HSD17B6: variants seen among roughly 807,000 people sequenced by gnomAD.
The protein encoded by HSD17B6 is 17-beta-hydroxysteroid dehydrogenase type 6.
A neutral mutation model predicts 26.4 loss-of-function variants in HSD17B6; 16 were observed. The observed-to-expected ratio is 0.61, with a 90% CI of 0.41 to 0.92. HSD17B6 has a LOEUF of 0.92. HSD17B6 is among the 40% of genes least tolerant of loss of function. HSD17B6 has a pLI of 0.00. For missense variants in HSD17B6, 357 were observed against 386.1 expected (o/e 0.92, Z 0.63); for synonymous variants, 139 against 153.0 (o/e 0.91, Z 0.68).
At chr12:56,778,959 G>C (rs983294743) in intron 2 of HSD17B6, among the ~76,000 whole-genome samples, 45 of 152,090 alleles carry the variant, frequency 3.0e-4, no homozygotes, top group Non-Finnish European at 1.8e-4. Flanking sequence ...ACACGCGTGA[G>C]CCACCGCGCC....
At chr12:56,778,841 A>AT (rs1172829800) in intron 2 of HSD17B6, among the ~76,000 whole-genome samples, 3 of 150,620 alleles carry the variant, frequency 2.0e-5, no homozygotes, top group East Asian at 2.0e-4. Context: ...GGCCCGGCTA[A>AT]TTTTTTTGTA....
intron 1 of HSD17B6, among the ~76,000 whole-genome samples, chr12:56,768,887 C>T (rs1460393365): frequency 6.6e-6 from 1 of 151,998 alleles, no homozygotes; most frequent in Non-Finnish European, 1.5e-5. Context: ...ATGGTAAAGG[C>T]TTTGGGGTGC....
chr12:56,782,660 ATT>A (rs62818963), intron 3 of HSD17B6, among the ~76,000 whole-genome samples: 114 of 133,056 alleles, frequency 8.6e-4, no homozygotes, highest in South Asian at 3.4e-3. Flanking sequence ...TGCCCAGCTA[ATT>A]TTTTTTTTTT....
At chr12:56,764,590 A>G (rs1391552702) in intron 1 of HSD17B6, among the ~76,000 whole-genome samples, 1 of 152,250 alleles carries the variant, frequency 6.6e-6, no homozygotes, top group South Asian at 2.1e-4. Context: ...TATGGCAATA[A>G]TAAGACAACA....
chr12:56,786,062 GTGA>G (rs1196624206), intron 4 of HSD17B6: 8 of 494,370 alleles, frequency 1.6e-5, no homozygotes, highest in Middle Eastern at 9.6e-4. Flanking sequence ...AATGTAGATT[GTGA>G]TGATGATTGC....
intron 3 of HSD17B6, among the ~76,000 whole-genome samples, chr12:56,783,230 G>A (rs1278201447): frequency 2.0e-5 from 3 of 150,894 alleles, no homozygotes; most frequent in South Asian, 2.1e-4. Context: ...GGGCAGAGGC[G>A]CCCCTCACCT....
chr12:56,783,882 G>A (rs1319901294), intron 3 of HSD17B6, among the ~76,000 whole-genome samples: 3 of 152,010 alleles, frequency 2.0e-5, no homozygotes, highest in African/African-American at 7.2e-5. Flanking sequence ...TTCCCAGACG[G>A]GGTGGCAGCC....
chr12:56,769,249 C>T (rs149238106), intron 1 of HSD17B6, among the ~76,000 whole-genome samples: 149 of 152,088 alleles, frequency 9.8e-4, no homozygotes, highest in Middle Eastern at 3.4e-3. Flanking sequence ...ACTACAGGCA[C>T]TGCCACCACA....
At chr12:56,784,777 T>C in intron 3 of HSD17B6, 76 bp from the exon 4 acceptor site, 2 of 1,410,934 alleles carry the variant, frequency 1.4e-6, no homozygotes, top group Non-Finnish European at 1.9e-6. Context: ...TATAATCTTT[T>C]TTGTTTTGCT....
At chr12:56,774,223 C>T in intron 2 of HSD17B6, 58 bp downstream of exon 2, 2 of 1,457,224 alleles carry the variant, frequency 1.4e-6, no homozygotes, top group South Asian at 1.4e-5. Context: ...GTTATATATA[C>T]AGTTGTTCCT....
Position 56,774,160 on chromosome 12 carries a change from A to AG in HSD17B6, c.308_309insG (p.Asp103GlufsTer21), listed in dbSNP as rs758299923. ...CAGTGGGTGAAGGAGCATGTGGGGG[A>AG]CAGAGGTATGAAATATTTTCTCCTT... is the stretch of plus-strand genomic sequence containing the variant. On this transcript the variant is annotated frameshift_variant, in exon 2 of 5. Transcript: ENST00000322165. LOFTEE classifies it high-confidence loss of function. 7 of 1,547,568 alleles carry AG rather than the reference A, an allele frequency of 4.5e-6. No homozygotes were observed. In the Admixed American group the frequency reaches 1.4e-4, roughly 31 times the overall value.
At chr12:56,774,336 T>C (rs562257386) in intron 2 of HSD17B6, among the ~76,000 whole-genome samples, 171 bp downstream of exon 2, 56 of 152,298 alleles carry the variant, frequency 3.7e-4, no homozygotes, top group African/African-American at 1.2e-3. Context: ...TTATAACCTA[T>C]GCACATCCTT....
chr12:56,779,285 C>T (rs1954661375), intron 2 of HSD17B6, among the ~76,000 whole-genome samples: 2 of 152,048 alleles, frequency 1.3e-5, no homozygotes, highest in South Asian at 4.1e-4. Context: ...CAGGTGTGCA[C>T]CACCACACTT....
chr12:56,765,945 A>G (rs148622820), intron 1 of HSD17B6, among the ~76,000 whole-genome samples: 2,975 of 152,286 alleles, frequency 0.02, 38 homozygotes, highest in South Asian at 0.046. Context: ...ACCTGCATGT[A>G]TACATCCAGA....
chr12:56,780,462 T>C (rs1954689550), intron 2 of HSD17B6, among the ~76,000 whole-genome samples: 1 of 152,234 alleles, frequency 6.6e-6, no homozygotes, highest in Non-Finnish European at 1.5e-5. Context: ...CATTAGGTCA[T>C]AGCCTGTTCC....
Position 56,786,145 on chromosome 12 carries a change from A to G in HSD17B6, c.737-980A>G, listed in dbSNP as rs1390173080. ...TGGCTGAATTTTATGATATATGAAT[A>G]TCTCAATAATGTTAAAAAAATTTCC... On this transcript the variant is annotated intron_variant, in intron 4 of 4. Coordinates refer to ENST00000322165, the MANE Select transcript of HSD17B6 (RefSeq NM_003725.4). 7 of 166,460 alleles carry G rather than the reference A, an allele frequency of 4.2e-5. No individual in the cohort carries two copies. In the Admixed American group the frequency reaches 4.6e-4, roughly 11 times the overall value. The allele number at this position is 166,460 out of a possible 1,614,324, so 10.3% of individuals were successfully genotyped here.
chr12:56,775,842 C>T (rs1209602547), intron 2 of HSD17B6, among the ~76,000 whole-genome samples: 1 of 152,172 alleles, frequency 6.6e-6, no homozygotes, highest in African/African-American at 2.4e-5. Context: ...TCGTGCTTTA[C>T]ATATTCATCA....
At chr12:56,766,022 T>G (rs1954319302) in intron 1 of HSD17B6, among the ~76,000 whole-genome samples, 1 of 152,196 alleles carries the variant, frequency 6.6e-6, no homozygotes, top group Non-Finnish European at 1.5e-5. Context: ...ATTCCACCAC[T>G]GTGATTTGTT....
chr12:56,778,602 T>G (rs1362779983), intron 2 of HSD17B6, among the ~76,000 whole-genome samples: 2 of 151,760 alleles, frequency 1.3e-5, no homozygotes, highest in East Asian at 3.9e-4. Flanking sequence ...TACTTTTCTT[T>G]CTAGTCCTTC....
Sources: allele counts gnomAD v4.1 joint callset (sites outside exome capture counted in the v4.1 genomes callset), GRCh38; gene constraint gnomAD v4.1.1; transcripts MANE v1.5; gene names NCBI Gene and HGNC (gene_info 2026-07-23, HGNC 2026-07-21).